Variants in MYH11 observed in about 807,000 individuals in gnomAD.
The protein encoded by MYH11 is myosin-11.
MYH11 carries 80 observed loss-of-function variants against 246.6 expected under a neutral mutation model. The observed-to-expected ratio is 0.32, with a 90% CI of 0.27 to 0.39. The LOEUF is 0.39. Among genes scored for constraint, MYH11 ranks in the 10% least tolerant of loss-of-function variants. The probability of loss-of-function intolerance (pLI) is 1.00; values close to 1 mark genes in which losing one functional copy is unlikely to be tolerated. For synonymous variants in MYH11, 1,071 were observed against 1,015.5 expected (o/e 1.05, Z -1.04); for missense variants, 2,158 against 2,546.8 (o/e 0.85, Z 3.29).
chr16:15,760,478 T>G, intron 11 of MYH11, 62 bp downstream of exon 11: 1 of 1,241,192 alleles, frequency 8.1e-7, no homozygotes, highest in East Asian at 2.3e-5. Context: ...AACAGGTGGA[T>G]AGATGGATGA....
intron 3 of MYH11, among the ~76,000 whole-genome samples, chr16:15,819,732 C>G (rs1463820476): frequency 6.6e-6 from 1 of 152,130 alleles, no homozygotes; most frequent in Admixed American, 6.5e-5. Flanking sequence ...ATGTAATGCG[C>G]TCGAATCATC....
chr16:15,830,805 A>G (rs1320671505), intron 2 of MYH11, among the ~76,000 whole-genome samples: 1 of 151,936 alleles, frequency 6.6e-6, no homozygotes, highest in Non-Finnish European at 1.5e-5. Context: ...TTGAATCCAG[A>G]AGGCATAGGT....
chr16:15,836,463 G>A (rs1018159272), intron 2 of MYH11, among the ~76,000 whole-genome samples: 1 of 152,020 alleles, frequency 6.6e-6, no homozygotes, highest in East Asian at 1.9e-4. Context: ...ACAATAACGC[G>A]ATTTTGGCTC....
chr16:15,793,615 C>CTTTTTTTTTTTTT (rs572455483), intron 4 of MYH11, among the ~76,000 whole-genome samples: 2 of 93,820 alleles, frequency 2.1e-5, no homozygotes, highest in Admixed American at 1.2e-4. Flanking sequence ...CTTTTCTTTT[C>CTTTTTTTTTTTTT]TTTTTTTTTT....
At chr16:15,824,239 C>T (rs2733855) in intron 2 of MYH11, among the ~76,000 whole-genome samples, 68,508 of 151,324 alleles carry the variant, frequency 0.45, 16,324 homozygotes, top group African/African-American at 0.61. Flanking sequence ...GTGACGGGAG[C>T]AGTTAAGTCT....
intron 3 of MYH11, among the ~76,000 whole-genome samples, chr16:15,821,709 G>C (rs1038878835): frequency 5.0e-5 from 7 of 139,992 alleles, no homozygotes; most frequent in Non-Finnish European, 9.5e-5. Context: ...ATGAGGTCAG[G>C]AGATCGAGAC....
rs541362283 is a variant in MYH11, at chr16:15,813,500, G to C, written c.502+9755C>G. Among the ~76,000 whole-genome samples, 18 of 152,176 alleles carry C rather than the reference G, an allele frequency of 1.2e-4. 1 individual carries two copies. The East Asian group carries it at 3.5e-3, about 29-fold the overall frequency. ...GTCCACCTTGTAGGTTTGTGGTAAAGATTAACTGAGAATATTTCTGTAAAG... is the reference window on the plus strand; with the variant it reads ...GTCCACCTTGTAGGTTTGTGGTAAACATTAACTGAGAATATTTCTGTAAAG... On this transcript the variant is annotated intron_variant, in intron 3 of 40. Transcript: ENST00000300036.
Sources: allele counts gnomAD v4.1 joint callset (sites outside exome capture counted in the v4.1 genomes callset), GRCh38; gene constraint gnomAD v4.1.1; transcripts MANE v1.5; gene names NCBI Gene and HGNC (gene_info 2026-07-23, HGNC 2026-07-21).